PRKCE: variants seen among roughly 807,000 people sequenced by gnomAD.
PRKCE encodes the protein protein kinase C epsilon type.
A neutral mutation model predicts 85.4 loss-of-function variants in PRKCE; 16 were observed. The observed-to-expected ratio is 0.19, with a 90% CI of 0.13 to 0.28. The LOEUF (loss-of-function observed/expected upper bound fraction) is 0.28, where lower values mean the gene tolerates loss of function less well. Ranked by LOEUF, PRKCE falls within the 10% of genes least tolerant of loss-of-function variation. The probability of loss-of-function intolerance (pLI) is 1.00; values close to 1 mark genes in which losing one functional copy is unlikely to be tolerated. For synonymous variants in PRKCE, 388 were observed against 371.5 expected (o/e 1.04, Z -0.51); for missense variants, 573 against 975.2 (o/e 0.59, Z 5.49).
chr2:46,171,141 C>G (rs1457336803), intron 14 of PRKCE, among the ~76,000 whole-genome samples: 1 of 152,228 alleles, frequency 6.6e-6, no homozygotes, highest in African/African-American at 2.4e-5. Flanking sequence ...GCACATCCTG[C>G]TGCGGGGGGC....
At chr2:45,653,370 GT>G (rs34888247) in intron 1 of PRKCE, among the ~76,000 whole-genome samples, 3,971 of 61,450 alleles carry the variant, frequency 0.065, 37 homozygotes, top group Middle Eastern at 0.12. Context: ...TTTTTGGGTT[GT>G]TTTTTTTTTT....
At chr2:45,726,273 C>A (rs182162369) in intron 1 of PRKCE, among the ~76,000 whole-genome samples, 4 of 152,274 alleles carry the variant, frequency 2.6e-5, no homozygotes, top group African/African-American at 9.6e-5. Context: ...CAAACAGTGT[C>A]ACATGCTACA....
intron 1 of PRKCE, among the ~76,000 whole-genome samples, chr2:45,712,190 C>T (rs565037323): frequency 1.4e-5 from 2 of 140,730 alleles, no homozygotes; most frequent in African/African-American, 5.4e-5. Context: ...TCTTGTTCCC[C>T]AGGCTGGAGT....
chr2:45,686,761 T>A (rs1677329564), intron 1 of PRKCE, among the ~76,000 whole-genome samples: 1 of 152,198 alleles, frequency 6.6e-6, no homozygotes, highest in Non-Finnish European at 1.5e-5. Context: ...GAATTGATAC[T>A]GTGTAGACTG....
At position 45,813,366 on chromosome 2, in the gene PRKCE, C is replaced by G. The variant is rs188823564; in HGVS notation, c.349-29634C>G. Among the ~76,000 whole-genome samples, 15 of 152,294 alleles carry G rather than the reference C, an allele frequency of 9.8e-5. No individual in the cohort carries two copies. In the East Asian group the frequency reaches 2.5e-3, roughly 25 times the overall value. On this transcript the variant is annotated intron_variant, in intron 1 of 14. Transcript: ENST00000306156. ...GGAAAGGGCATGCTGGGGTTAATGG[C>G]TAGAGGCAGATCCCTCTTCCTCAGT...
intron 2 of PRKCE, among the ~76,000 whole-genome samples, chr2:45,955,838 C>A (rs1396651950): frequency 6.6e-6 from 1 of 152,078 alleles, no homozygotes; most frequent in Non-Finnish European, 1.5e-5. Flanking sequence ...GTAAACTTCA[C>A]CTTTTAGCAT....
chr2:45,984,356 T>G (rs1441983306), intron 5 of PRKCE, among the ~76,000 whole-genome samples, 195 bp from the exon 6 acceptor site: 1 of 152,116 alleles, frequency 6.6e-6, no homozygotes, highest in Non-Finnish European at 1.5e-5. Context: ...AACAGTGAGT[T>G]AAGAGCATCA....
intron 10 of PRKCE, among the ~76,000 whole-genome samples, chr2:46,070,204 C>T (rs941438189): frequency 1.3e-5 from 2 of 152,198 alleles, no homozygotes; most frequent in African/African-American, 2.4e-5. Context: ...CTGTTGTGTT[C>T]CTTCACGAGG....
At chr2:45,873,472 A>C (rs913046288) in intron 2 of PRKCE, among the ~76,000 whole-genome samples, 1 of 152,084 alleles carries the variant, frequency 6.6e-6, no homozygotes, top group South Asian at 2.1e-4. Context: ...AAAAAAAAAA[A>C]AAAACAAAAA....
intron 1 of PRKCE, among the ~76,000 whole-genome samples, chr2:45,726,008 C>T (rs1681040627): frequency 6.6e-6 from 1 of 152,122 alleles, no homozygotes; most frequent in Admixed American, 6.5e-5. Context: ...GTAGAAATAG[C>T]AAGAGAACTA....
chr2:45,981,183 C>G (rs1702863623), intron 5 of PRKCE, among the ~76,000 whole-genome samples: 1 of 152,200 alleles, frequency 6.6e-6, no homozygotes, highest in South Asian at 2.1e-4. Flanking sequence ...GATAGTCCCA[C>G]TGATAGATTA....
At chr2:46,146,095 A>G (rs1676044157) in intron 12 of PRKCE, among the ~76,000 whole-genome samples, 1 of 152,206 alleles carries the variant, frequency 6.6e-6, no homozygotes. Context: ...AACCACTCCA[A>G]TAGGTTGCCT....
intron 1 of PRKCE, among the ~76,000 whole-genome samples, chr2:45,776,587 G>A (rs1041011528): frequency 6.6e-6 from 1 of 152,140 alleles, no homozygotes; most frequent in Admixed American, 6.5e-5. Context: ...TGGTCTGCTC[G>A]CAAACTTATT....
chr2:45,666,310 C>T (rs902364346), intron 1 of PRKCE, among the ~76,000 whole-genome samples: 11 of 151,980 alleles, frequency 7.2e-5, no homozygotes, highest in African/African-American at 2.7e-4. Context: ...GTGTGGGGAT[C>T]ATGGCACTAA....
chr2:45,671,589 C>G (rs1015297105), intron 1 of PRKCE, among the ~76,000 whole-genome samples: 17 of 152,146 alleles, frequency 1.1e-4, no homozygotes, highest in African/African-American at 3.1e-4. Flanking sequence ...TCTGCCTCCC[C>G]CCACCAGCCT....
chr2:46,100,924 A>G (rs1475928276), intron 11 of PRKCE, among the ~76,000 whole-genome samples: 1 of 151,936 alleles, frequency 6.6e-6, no homozygotes, highest in African/African-American at 2.4e-5. Flanking sequence ...GCTGGAGTGT[A>G]GTAGCACGAT....
intron 2 of PRKCE, among the ~76,000 whole-genome samples, chr2:45,880,752 A>G (rs1270882568): frequency 1.3e-5 from 2 of 152,204 alleles, no homozygotes; most frequent in Admixed American, 1.3e-4. Flanking sequence ...ACCAAAGACT[A>G]CTGTGGTTTG....
At chr2:46,127,399 C>A (rs979455111) in intron 11 of PRKCE, among the ~76,000 whole-genome samples, 1 of 152,224 alleles carries the variant, frequency 6.6e-6, no homozygotes, top group Non-Finnish European at 1.5e-5. Context: ...AAACCAGCAT[C>A]TGATCCTAAC....
Position 46,074,500 on chromosome 2 carries a change from G to C in PRKCE, c.1438-11708G>C, listed in dbSNP as rs145967377. ...GCAACAACAACAATAGCAGCAGGAG[G>C]AGCCACAATGAAATGGTTCAAGGAT... On this transcript the variant is annotated intron_variant, in intron 10 of 14. Coordinates refer to ENST00000306156, the MANE Select transcript of PRKCE (RefSeq NM_005400.3). Among the ~76,000 whole-genome samples the C allele has an allele frequency of 8.6e-4, 130 of 152,006 alleles. 1 individual carries two copies. Among genetic ancestry groups the C allele is most frequent in the African/African-American group, 3.1e-3 (127 of 41,444 alleles).
Sources: allele counts gnomAD v4.1 joint callset (sites outside exome capture counted in the v4.1 genomes callset), GRCh38; gene constraint gnomAD v4.1.1; transcripts MANE v1.5; gene names NCBI Gene and HGNC (gene_info 2026-07-23, HGNC 2026-07-21).